KATNIP: variants seen among roughly 807,000 people sequenced by gnomAD.
KATNIP encodes the protein katanin interacting protein.
Under a neutral mutation model 174.0 loss-of-function variants are expected in KATNIP, and 126 were observed. The observed-to-expected ratio is 0.72, with a 90% CI of 0.63 to 0.84. The LOEUF (loss-of-function observed/expected upper bound fraction) is 0.84, where lower values mean the gene tolerates loss of function less well. Among genes scored for constraint, KATNIP ranks in the 40% least tolerant of loss-of-function variants. The pLI is 0.00. For missense variants in KATNIP, 1,958 were observed against 2,109.7 expected, an observed-to-expected ratio of 0.93 and a Z score of 1.41; for synonymous variants, 810 against 835.7, an observed-to-expected ratio of 0.97 and a Z score of 0.53.
chr16:27,681,310 T>C, intron 7 of KATNIP, 89 bp from the exon 8 acceptor site: 1 of 1,490,730 alleles, frequency 6.7e-7, no homozygotes, highest in Non-Finnish European at 9.3e-7. Flanking sequence ...GTTGAATGAG[T>C]AAGTGAATGA....
At chr16:27,697,840 A>G (rs2078968287) in intron 8 of KATNIP, among the ~76,000 whole-genome samples, 1 of 152,004 alleles carries the variant, frequency 6.6e-6, no homozygotes, top group Admixed American at 6.6e-5. Context: ...ACTATTTGAG[A>G]TGAAGTTGCA....
intron 2 of KATNIP, among the ~76,000 whole-genome samples, chr16:27,574,896 G>A (rs4787429): frequency 0.82 from 124,034 of 152,000 alleles, 51,031 homozygotes; most frequent in East Asian, 1. Context: ...CAGATTCAAG[G>A]GGTGGGGAAA....
chr16:27,643,947 T>G (rs1480700536), intron 5 of KATNIP, among the ~76,000 whole-genome samples: 1 of 152,072 alleles, frequency 6.6e-6, no homozygotes, highest in East Asian at 1.9e-4. Context: ...TTTTGCTGCT[T>G]CTAGGACCAG....
chr16:27,585,056 A>T (rs1596805790), intron 2 of KATNIP, among the ~76,000 whole-genome samples: 1 of 151,470 alleles, frequency 6.6e-6, no homozygotes, highest in East Asian at 2.0e-4. Context: ...AGGACCCCAA[A>T]CTCCTGTGAC....
chr16:27,776,646 G>A lies in KATNIP; in HGVS notation c.4450-282G>A, dbSNP rs564447410. ...GGGGACGTGGGGGAGGGCCGAGGATGTTCCCAATCCTCCACTGGCATTTAA... is the reference window on the plus strand; with the variant it reads ...GGGGACGTGGGGGAGGGCCGAGGATATTCCCAATCCTCCACTGGCATTTAA... On this transcript the variant is annotated intron_variant, in intron 24 of 27. Transcript: ENST00000261588. This position sits in a 1 kb window ranked among gnomAD's most constrained non-coding sequence, Gnocchi z 4.7. 1.3e-5 allele frequency among the ~76,000 whole-genome samples: 2 copies of A among 152,328 alleles called. No individual in the cohort carries two copies. The highest frequency in any genetic ancestry group is 4.1e-4 in the South Asian group (2 of 4,820).
At chr16:27,753,528 AG>A (rs1267462224) in intron 17 of KATNIP, among the ~76,000 whole-genome samples, 1 of 152,166 alleles carries the variant, frequency 6.6e-6, no homozygotes, top group Non-Finnish European at 1.5e-5. Context: ...TTTATATGTA[AG>A]GCCCAAGAAG....
At chr16:27,595,596 A>T (rs2075311977) in intron 2 of KATNIP, among the ~76,000 whole-genome samples, 1 of 152,236 alleles carries the variant, frequency 6.6e-6, no homozygotes, top group African/African-American at 2.4e-5. Context: ...GCAAATGTTT[A>T]TCAAGCACCT....
intron 5 of KATNIP, among the ~76,000 whole-genome samples, chr16:27,642,751 T>G (rs1055166793): frequency 2.0e-4 from 30 of 148,472 alleles, no homozygotes; most frequent in Admixed American, 1.4e-4. Context: ...GGACACATTG[T>G]TTTTTAATTT....
At chr16:27,585,153 C>T (rs2090844474) in intron 2 of KATNIP, among the ~76,000 whole-genome samples, 1 of 152,130 alleles carries the variant, frequency 6.6e-6, no homozygotes, top group Admixed American at 6.5e-5. Flanking sequence ...TGATACTTAC[C>T]TCCCCAAACT....
intron 1 of KATNIP, among the ~76,000 whole-genome samples, chr16:27,570,953 C>G (rs2090268495): frequency 6.6e-6 from 1 of 152,132 alleles, no homozygotes; most frequent in Non-Finnish European, 1.5e-5. Flanking sequence ...TCTTGAAATC[C>G]AAGAGAAAGG....
chr16:27,699,274 G>A (rs1440553607), intron 9 of KATNIP, among the ~76,000 whole-genome samples: 3 of 152,166 alleles, frequency 2.0e-5, no homozygotes, highest in Admixed American at 1.3e-4. Flanking sequence ...GCAAGTGGCC[G>A]AGATCTGCCC....
chr16:27,595,779 G>T (rs1331870817), intron 2 of KATNIP, among the ~76,000 whole-genome samples: 1 of 152,192 alleles, frequency 6.6e-6, no homozygotes, highest in African/African-American at 2.4e-5. Flanking sequence ...AGAGGGCTGG[G>T]GACAACGGAG....
chr16:27,622,162 G>A (rs770388654), intron 3 of KATNIP, among the ~76,000 whole-genome samples: 36 of 151,814 alleles, frequency 2.4e-4, no homozygotes, highest in Non-Finnish European at 1.3e-4. Flanking sequence ...GGAAGATGGG[G>A]GAGATTCCTG....
At chr16:27,677,171 A>G (rs1597143298) in intron 6 of KATNIP, among the ~76,000 whole-genome samples, 1 of 152,198 alleles carries the variant, frequency 6.6e-6, no homozygotes, top group Non-Finnish European at 1.5e-5. Context: ...ATAGTATGAC[A>G]TTTAGATGCC....
intron 21 of KATNIP, among the ~76,000 whole-genome samples, chr16:27,771,125 C>T (rs564432304): frequency 5.9e-5 from 9 of 152,274 alleles, no homozygotes; most frequent in Non-Finnish European, 8.8e-5. Flanking sequence ...TCCTGGCTGT[C>T]GGCACAGCGT....
chr16:27,756,630 A>G (rs1351799061), intron 18 of KATNIP, among the ~76,000 whole-genome samples: 1 of 152,146 alleles, frequency 6.6e-6, no homozygotes, highest in African/African-American at 2.4e-5. Context: ...TCCCCCATGA[A>G]GCTGTGAGGT....
intron 12 of KATNIP, among the ~76,000 whole-genome samples, chr16:27,704,492 C>T (rs764918759): frequency 1.3e-5 from 2 of 152,166 alleles, no homozygotes; most frequent in Admixed American, 6.6e-5. Flanking sequence ...TATGTCTTTC[C>T]GCCCCACAAT....
rs554545535 is a variant in KATNIP, at chr16:27,747,792, C to T, written c.2624-1792C>T. 1.1e-3 allele frequency among the ~76,000 whole-genome samples: 171 copies of T among 152,042 alleles called. 6 individuals are homozygous for T. Among genetic ancestry groups the T allele is most frequent in the Non-Finnish European group, 5.0e-4 (34 of 67,968 alleles). ...TGGGAGGGGTGGCAGAGCACCTGAGCGAAACAGGGAGAAAATAGGGCTGTG... is the reference window on the plus strand; with the variant it reads ...TGGGAGGGGTGGCAGAGCACCTGAGTGAAACAGGGAGAAAATAGGGCTGTG... On this transcript the variant is annotated intron_variant, in intron 15 of 27. Transcript: ENST00000261588.
chr16:27,747,026 C>T (rs141380197), intron 15 of KATNIP, among the ~76,000 whole-genome samples: 3 of 152,294 alleles, frequency 2.0e-5, no homozygotes, highest in East Asian at 1.9e-4. Flanking sequence ...AGGGAAGAGA[C>T]GGCAGAACTT....
Sources: gnomAD v4.1 joint callset for allele counts (sites outside exome capture counted in the v4.1 genomes callset) on GRCh38, gnomAD v4.1.1 for gene constraint, Gnocchi (gnomAD v3.1) non-coding constraint, MANE v1.5 for transcripts, NCBI Gene and HGNC (gene_info 2026-07-23, HGNC 2026-07-21) for gene names.